The following TAAR1 variants were observed in gnomAD, a reference collection of about 807,000 sequenced individuals.
TAAR1 encodes the protein trace amine associated receptor 1, also known as trace amine-associated receptor 1.
Under a neutral mutation model 1.2 loss-of-function variants are expected in TAAR1, and 1 was observed. The observed-to-expected ratio is 0.81, with a 90% confidence interval of 0.29 to 3.86. The LOEUF (loss-of-function observed/expected upper bound fraction) is 3.86. Ranked by LOEUF, TAAR1 falls within the 30% of genes most tolerant of loss-of-function variation. The probability of loss-of-function intolerance (pLI) is 0.18; values close to 1 mark genes in which losing one functional copy is unlikely to be tolerated. For synonymous variants in TAAR1, 153 were observed against 132.2 expected (o/e 1.16, Z -1.08); for missense variants, 445 against 405.6 (o/e 1.10, Z -0.83).
At chr6:132,647,680 G>GA (rs377319077) in intron 1 of TAAR1, among the ~76,000 whole-genome samples, 11 of 140,886 alleles carry the variant, frequency 7.8e-5, no homozygotes, top group East Asian at 2.2e-4. Context: ...AAGAAAGAAA[G>GA]AAGAAAGAAA....
intron 1 of TAAR1, among the ~76,000 whole-genome samples, chr6:132,655,706 A>T (rs12660924): frequency 6.6e-6 from 1 of 151,994 alleles, no homozygotes; most frequent in South Asian, 2.1e-4. Context: ...AGATGCAGAG[A>T]AGCAAAGACA....
chr6:132,656,159 A>T (rs1184239755), intron 1 of TAAR1, among the ~76,000 whole-genome samples: 2 of 152,152 alleles, frequency 1.3e-5, no homozygotes, highest in African/African-American at 4.8e-5. Context: ...CTCATGTGAA[A>T]AACAACCAAA....
chr6:132,653,752 G>T (rs528608127), intron 1 of TAAR1, among the ~76,000 whole-genome samples: 1 of 152,120 alleles, frequency 6.6e-6, no homozygotes, highest in Non-Finnish European at 1.5e-5. Flanking sequence ...GTTGTTTTAC[G>T]ATCTCTTATT....
At position 132,645,700 on chromosome 6, in the gene TAAR1, T is replaced by C. The variant is rs1365171193; in HGVS notation, c.304A>G (p.Thr102Ala). 3.7e-6 allele frequency: 6 copies of C among 1,613,532 alleles called. No individual in the cohort carries two copies. The African/African-American group carries it at 8.0e-5, about 22-fold the overall frequency. The change falls in exon 2 of 2, where the codon ACC becomes GCC. Residue 102 changes from threonine (T) to alanine (A), a missense_variant. Physicochemically the swap from Thr to Ala is moderately conservative, Grantham distance 58 (BLOSUM62 0). Transcript: ENST00000275216. The part of the protein sequence containing the change: ...GEVFCKIHTS[T>A]DIMLSSASIF... ...GAGGCTGAGCTCAGCATAATGTCGGTGCTTGTGTGAATTTTACAGAAGACT... is the reference window on the plus strand; with the variant it reads ...GAGGCTGAGCTCAGCATAATGTCGGCGCTTGTGTGAATTTTACAGAAGACT...
At position 132,644,549 on chromosome 6, in the gene TAAR1, G is replaced by A. The variant is rs889761870; in HGVS notation, c.*435C>T. Among the ~76,000 whole-genome samples the A allele has an allele frequency of 1.3e-5, 2 of 152,004 alleles. No individual in the cohort carries two copies. Among genetic ancestry groups the A allele is most frequent in the African/African-American group, 4.8e-5 (2 of 41,404 alleles). ...CAATTATTTAGCGGTAACATTTAAT[G>A]TGTGTACTTTTAGTTGATTTTACTA... On this transcript the variant is annotated 3_prime_UTR_variant, in exon 2 of 2. Coordinates refer to ENST00000275216, the MANE Select transcript of TAAR1 (RefSeq NM_138327.4).
In TAAR1 at chr6:132,645,883, T is replaced by C. The variant is rs758499762; in HGVS notation, c.121A>G (p.Asn41Asp). The C allele has an allele frequency of 1.9e-6, 3 of 1,613,820 alleles. No homozygotes were observed. Among genetic ancestry groups the C allele is most frequent in the Non-Finnish European group, 2.5e-6 (3 of 1,179,806 alleles). ...GATATAGAAACAATAACTATCAGATTGCCAACGAGTGTGGTCAGAATTATG... is the reference window on the plus strand; with the variant it reads ...GATATAGAAACAATAACTATCAGATCGCCAACGAGTGTGGTCAGAATTATG... ...VLIILTTLVG[N>D]LIVIVSISHF... Residue 41 changes from asparagine (N) to aspartate (D), a missense_variant, in exon 2 of 2, where the codon AAT becomes GAT. Coordinates refer to ENST00000275216, the MANE Select transcript of TAAR1 (RefSeq NM_138327.4).
chr6:132,657,523 T>G (rs1777817512), intron 1 of TAAR1, among the ~76,000 whole-genome samples: 1 of 151,972 alleles, frequency 6.6e-6, no homozygotes. Context: ...TACAGGTTAT[T>G]TAAAAATATA....
At chr6:132,656,852 G>T (rs560238984) in intron 1 of TAAR1, among the ~76,000 whole-genome samples, 2 of 152,142 alleles carry the variant, frequency 1.3e-5, no homozygotes, top group African/African-American at 4.8e-5. Flanking sequence ...GCAGTCAAAA[G>T]GGTGATCATA....
chr6:132,652,801 G>A (rs77613092), intron 1 of TAAR1, among the ~76,000 whole-genome samples: 2 of 151,470 alleles, frequency 1.3e-5, no homozygotes, highest in African/African-American at 4.9e-5. Flanking sequence ...AGAAGTGATT[G>A]GTTTCCTCCT....
rs201011015 is a variant in TAAR1 at position 132,647,623 on chromosome 6, G to GAAAAGAAAGAAAGAAA, written c.-126-1495_-126-1494insTTTCTTTCTTTCTTTT. ...GAAAGAAAAAAGAAAGAAAGAAAAAGGAAAGAAAGAAAGAAAGAAAGAAAG... is the reference window on the plus strand; with the variant it reads ...GAAAGAAAAAAGAAAGAAAGAAAAAGAAAAGAAAGAAAGAAAGAAAGAAAGAAAGAAAGAAAGAAAG... On this transcript the variant is annotated intron_variant, in intron 1 of 1. Transcript: ENST00000275216. Among the ~76,000 whole-genome samples, 418 of 103,120 alleles carry GAAAAGAAAGAAAGAAA rather than the reference G, an allele frequency of 4.1e-3. 6 individuals carry two copies. The highest frequency in any genetic ancestry group is 0.014 in the East Asian group (54 of 3,760). The allele number at this position is 103,120 out of a possible 152,430, so 67.7% of individuals were successfully genotyped here.
chr6:132,644,899 CA>C lies in TAAR1; in HGVS notation c.*84del. ...CAAGTAACTGATTTAAAAAAAAATC[CA>C]TGTGGTTGGTGCATGTGGTTCGTTA... On this transcript the variant is annotated 3_prime_UTR_variant, in exon 2 of 2. Coordinates refer to ENST00000275216, the MANE Select transcript of TAAR1 (RefSeq NM_138327.4). The C allele has an allele frequency of 8.8e-7, 1 of 1,131,496 alleles. No individual in the cohort carries two copies. Among genetic ancestry groups the C allele is most frequent in the Non-Finnish European group, 1.2e-6 (1 of 823,358 alleles). The allele number at this position is 1,131,496 out of a possible 1,614,324, so 70.1% of individuals were successfully genotyped here.
At chr6:132,658,415 A>G (rs1582755397) in intron 1 of TAAR1, among the ~76,000 whole-genome samples, 1 of 152,180 alleles carries the variant, frequency 6.6e-6, no homozygotes, top group East Asian at 1.9e-4. Context: ...TATACATGAA[A>G]GTGTTTCTGC....
At chr6:132,655,612 G>A (rs1048022349) in intron 1 of TAAR1, among the ~76,000 whole-genome samples, 2 of 152,028 alleles carry the variant, frequency 1.3e-5, no homozygotes, top group Admixed American at 6.5e-5. Flanking sequence ...GCCTCCAAAA[G>A]CATTAGGAAT....
At chr6:132,651,145 T>G (rs1466930267) in intron 1 of TAAR1, among the ~76,000 whole-genome samples, 1 of 152,200 alleles carries the variant, frequency 6.6e-6, no homozygotes, top group Non-Finnish European at 1.5e-5. Context: ...CCTCGGCTCC[T>G]GGGTCACCAC....
chr6:132,648,512 C>A (rs536568675), intron 1 of TAAR1, among the ~76,000 whole-genome samples: 1 of 152,124 alleles, frequency 6.6e-6, no homozygotes, highest in Admixed American at 6.6e-5. Context: ...CAGAGGTTAC[C>A]GCAAGCTCAT....
At chr6:132,651,789 G>A (rs1014078599) in intron 1 of TAAR1, among the ~76,000 whole-genome samples, 8 of 152,106 alleles carry the variant, frequency 5.3e-5, no homozygotes, top group African/African-American at 1.9e-4. Context: ...AATTCTTCCA[G>A]AATGGTAGAA....
chr6:132,652,703 T>A (rs1027178243), intron 1 of TAAR1, among the ~76,000 whole-genome samples: 7 of 149,702 alleles, frequency 4.7e-5, no homozygotes, highest in Non-Finnish European at 1.0e-4. Context: ...AAGCTATATA[T>A]TTCACAACCT....
rs773221591 is a variant in TAAR1, at chr6:132,645,897, G to T, written c.107C>A (p.Thr36Asn). 2 of 1,613,794 alleles carry T rather than the reference G, an allele frequency of 1.2e-6. No individual in the cohort carries two copies. Among genetic ancestry groups the T allele is most frequent in the Admixed American group, 3.3e-5 (2 of 59,976 alleles). ...LYSLMVLIILTTLVGNLIVIV... is the reference protein window; with the variant it reads ...LYSLMVLIILNTLVGNLIVIV... ...AACTATCAGATTGCCAACGAGTGTG[G>T]TCAGAATTATGAGCACCATTAAACT... Residue 36 changes from threonine to asparagine, a missense_variant, in exon 2 of 2, where the codon ACC becomes AAC. Physicochemically the swap from Thr to Asn is moderately conservative, Grantham distance 65. Coordinates refer to ENST00000275216, the MANE Select transcript of TAAR1 (RefSeq NM_138327.4).
At chr6:132,658,216 C>G (rs1777828152) in intron 1 of TAAR1, among the ~76,000 whole-genome samples, 1 of 151,776 alleles carries the variant, frequency 6.6e-6, no homozygotes, top group Non-Finnish European at 1.5e-5. Flanking sequence ...GGGAAAGAGA[C>G]CAGGGTGAGG....
Sources: gnomAD v4.1 joint callset for allele counts (sites outside exome capture counted in the v4.1 genomes callset) on GRCh38, gnomAD v4.1.1 for gene constraint, MANE v1.5 for transcripts, NCBI Gene and HGNC (gene_info 2026-07-23, HGNC 2026-07-21) for gene names.